CFAP410: variants seen among roughly 807,000 people sequenced by gnomAD.
CFAP410 encodes the protein cilia- and flagella-associated protein 410.
A neutral mutation model predicts 25.7 loss-of-function variants in CFAP410; 27 were observed. The observed-to-expected ratio is 1.05, with a 90% CI of 0.77 to 1.45. The LOEUF (loss-of-function observed/expected upper bound fraction) is 1.45. CFAP410 is among the 40% of genes most tolerant of loss of function. The pLI is 0.00. For synonymous variants in CFAP410, 178 were observed against 158.4 expected, an observed-to-expected ratio of 1.12 and a Z score of -0.93; for missense variants, 428 against 354.1, an observed-to-expected ratio of 1.21 and a Z score of -1.67.
chr21:44,330,866 G>A lies in CFAP410; in HGVS notation c.599C>T (p.Pro200Leu), dbSNP rs780241928. 3 of 1,606,242 alleles carry A rather than the reference G, an allele frequency of 1.9e-6. No individual in the cohort carries two copies. The highest frequency in any genetic ancestry group is 1.7e-6 in the Non-Finnish European group (2 of 1,175,628). ...GLKPPSRGQF[P>L]SLSARDASSS... ...CGAGGCATCCCTGGCTGAGAGGGAA[G>A]GAAACTGGCCCCGGGAAGGCGGCTT... The change falls in exon 6 of 7, where the codon CCT (proline) becomes CTT (leucine). Residue 200 changes from proline (P) to leucine (L), a missense_variant. Pro to Leu is a moderately conservative substitution (Grantham distance 98). Transcript: ENST00000339818.
In CFAP410 at chr21:44,339,133, C is replaced by G; in HGVS notation, c.62G>C (p.Arg21Pro). The change falls in exon 1 of 7, where the codon CGC becomes CCC. Residue 21 changes from arginine to proline, a missense_variant. Coordinates refer to ENST00000339818, the MANE Select transcript of CFAP410 (RefSeq NM_004928.3). ...CCCGCCTCACCAGCAGTTGAGCTTGCGCACGCTGTGCAGCTCCGAGGCCTT... is the reference window on the plus strand; with the variant it reads ...CCCGCCTCACCAGCAGTTGAGCTTGGGCACGCTGTGCAGCTCCGAGGCCTT... ...RAKASELHSV[R>P]KLNCWGSRLT... 1 of 1,461,966 alleles carries G rather than the reference C, an allele frequency of 6.8e-7. No individual in the cohort carries two copies. Among genetic ancestry groups the G allele is most frequent in the Non-Finnish European group, 9.1e-7 (1 of 1,101,776 alleles). The allele number at this position is 1,461,966 out of a possible 1,614,324, so 90.6% of individuals were successfully genotyped here.
chr21:44,330,730 G>A, intron 6 of CFAP410, 93 bp downstream of exon 6: 1 of 1,549,760 alleles, frequency 6.5e-7, no homozygotes. Context: ...TCCCCACGGG[G>A]CCCTGTGAGG....
intron 1 of CFAP410, chr21:44,338,147 A>G: frequency 1.7e-6 from 1 of 596,576 alleles, no homozygotes; most frequent in African/African-American, 2.0e-5. Flanking sequence ...TGCATTATTG[A>G]AAGCAAATGA....
intron 5 of CFAP410, 53 bp from the exon 6 acceptor site, chr21:44,330,972 G>T (rs546449413): frequency 2.7e-6 from 4 of 1,457,572 alleles, no homozygotes; most frequent in Non-Finnish European, 3.7e-6. Context: ...GCACCGGGGG[G>T]GCCTCTGCAA....
Position 44,335,755 on chromosome 21 carries a change from T to A in CFAP410, c.143+3A>T, listed in dbSNP as rs970527998. On this transcript the variant is annotated splice_donor_region_variant and intron_variant, in intron 3 of 6. Coordinates refer to ENST00000339818, the MANE Select transcript of CFAP410 (RefSeq NM_004928.3). ...GCTGAGCATGACAGCAGGAGCGAGG[T>A]ACCTGAGCGTGATCACCTCCAGGCT... The A allele has an allele frequency of 6.3e-7, 1 of 1,586,274 alleles. No homozygotes were observed. The highest frequency in any genetic ancestry group is 1.4e-5 in the African/African-American group (1 of 74,064).
intron 5 of CFAP410, chr21:44,331,364 C>T (rs2047645121): frequency 7.9e-6 from 2 of 253,548 alleles, no homozygotes; most frequent in Non-Finnish European, 1.5e-5. Flanking sequence ...CAGCTTCTGT[C>T]AAATGCGTTC....
chr21:44,335,842 G>A, intron 2 of CFAP410, 38 bp from the exon 3 acceptor site: 1 of 1,507,794 alleles, frequency 6.6e-7, no homozygotes, highest in East Asian at 2.4e-5. Context: ...GCATGGCACA[G>A]CAGGGCATCG....
rs994310278 is a variant in CFAP410, at chr21:44,330,111, G to A, written c.*87C>T. The A allele has an allele frequency of 4.2e-5, 60 of 1,426,360 alleles. No homozygotes were observed. In the African/African-American group the frequency reaches 5.9e-4, roughly 14 times the overall value. 88.4% of individuals were successfully genotyped at this position (1,426,360 alleles called of 1,614,324 possible). On this transcript the variant is annotated 3_prime_UTR_variant, in exon 7 of 7. Coordinates refer to ENST00000339818, the MANE Select transcript of CFAP410 (RefSeq NM_004928.3). ...GGCTTTTGTGTGGGGCCGGGGCTGC[G>A]GCCATGGCAGCCACCCTCCAGCTCC... is the stretch of plus-strand genomic sequence containing the variant.
At chr21:44,334,198 C>A (rs1184509651) in intron 3 of CFAP410, 1 of 456,318 alleles carries the variant, frequency 2.2e-6, no homozygotes, top group South Asian at 1.5e-5. Context: ...GTGCAGGCAC[C>A]ACGCACCTGA....
chr21:44,330,146 G>A lies in CFAP410; in HGVS notation c.*52C>T. On this transcript the variant is annotated 3_prime_UTR_variant, in exon 7 of 7. Transcript: ENST00000339818. ...GCCACCCTCCAGCTCCCGGGGGCTG[G>A]GGAAGACGCTGGGGTCCCCGTGGAG... The A allele has an allele frequency of 6.5e-7, 1 of 1,531,858 alleles. No individual in the cohort carries two copies. Among genetic ancestry groups the A allele is most frequent in the Non-Finnish European group, 8.7e-7 (1 of 1,143,466 alleles). 94.9% of individuals were successfully genotyped at this position (1,531,858 alleles called of 1,614,324 possible). A position where few individuals can be genotyped will look rare whatever the true frequency, so the allele number is the denominator to read the frequency against.
chr21:44,333,408 T>A, intron 3 of CFAP410, 146 bp from the exon 4 acceptor site: 1 of 664,050 alleles, frequency 1.5e-6, no homozygotes. Flanking sequence ...ACAAGTCACG[T>A]GCAGCAGGAC....
intron 4 of CFAP410, chr21:44,332,699 C>T (rs559608911): frequency 1.3e-4 from 45 of 338,206 alleles, no homozygotes; most frequent in African/African-American, 6.8e-4. Flanking sequence ...CGCCCCCGCT[C>T]GCCATGGCGC....
chr21:44,339,260 G>C lies in CFAP410; in HGVS notation c.-66C>G. The stretch of plus-strand genomic sequence containing the variant: ...CTGATCCCGGGCGGGTGACGACTGC[G>C]CGGCGCGTGTCTCCAGGGGCGGGGC... On this transcript the variant is annotated 5_prime_UTR_variant, in exon 1 of 7. Transcript: ENST00000339818. 9.4e-7 allele frequency: 1 copy of C among 1,058,716 alleles called. No individual in the cohort carries two copies. Among genetic ancestry groups the C allele is most frequent in the Non-Finnish European group, 1.3e-6 (1 of 779,982 alleles). The allele number at this position is 1,058,716 out of a possible 1,614,324, so 65.6% of individuals were successfully genotyped here. A position where few individuals can be genotyped will look rare whatever the true frequency, so the allele number is the denominator to read the frequency against.
intron 3 of CFAP410, chr21:44,334,050 C>T (rs2047702219): frequency 6.6e-6 from 3 of 453,634 alleles, no homozygotes; most frequent in Middle Eastern, 3.3e-4. Context: ...TATGAGGCCG[C>T]CCCATTTTAC....
In CFAP410 at chr21:44,333,154, C is replaced by G. The variant is rs756791423; in HGVS notation, c.252G>C (p.Lys84Asn). 2 of 1,612,664 alleles carry G rather than the reference C, an allele frequency of 1.2e-6. No homozygotes were observed. The highest frequency in any genetic ancestry group is 8.5e-7 in the Non-Finnish European group (1 of 1,179,856). ...IPSLAELFYL[K>N]GLPRLRVLWL... is the part of the protein sequence containing the mutation. ...ACAGCACCCGCAGACGCGGCAGCCC[C>G]TTCAGGTAGAAGAGCTCAGCCAGGC... The change falls in exon 4 of 7, where the codon AAG (lysine) becomes AAC (asparagine). Residue 84 changes from lysine to asparagine, a missense_variant. Lys to Asn is a moderately conservative substitution (Grantham distance 94, BLOSUM62 0). Transcript: ENST00000339818.
chr21:44,331,659 GA>G (rs1397819107), intron 5 of CFAP410, 183 bp downstream of exon 5: 22 of 602,264 alleles, frequency 3.7e-5, no homozygotes, highest in Non-Finnish European at 5.5e-5. Context: ...ACCTGCCACT[GA>G]AATCACTACC....
intron 3 of CFAP410, chr21:44,334,442 T>C (rs1242728354): frequency 1.2e-5 from 4 of 333,530 alleles, no homozygotes; most frequent in South Asian, 2.1e-5. Flanking sequence ...CCAGCCTCAC[T>C]GTGTCGCCTG....
At chr21:44,331,762 G>A (rs994836989) in intron 5 of CFAP410, 81 bp downstream of exon 5, 15 of 1,357,710 alleles carry the variant, frequency 1.1e-5, no homozygotes, top group South Asian at 5.2e-5. Context: ...CGCAGCTCAC[G>A]GGAAGCCCCA....
Position 44,331,984 on chromosome 21 carries a change from A to G in CFAP410, c.404T>C (p.Leu135Pro), listed in dbSNP as rs1402134765. The change falls in exon 5 of 7, where the codon CTG becomes CCG. Residue 135 changes from leucine to proline, a missense_variant. By Grantham distance (98) the Leu-to-Pro change is moderately conservative. Coordinates refer to ENST00000339818, the MANE Select transcript of CFAP410 (RefSeq NM_004928.3). ...AVTEEELSRA[L>P]SEGEEITAAP... Reference sequence around the variant, plus strand: ...CGCAGTGATCTCCTCTCCCTCACTCAGTGCACGGGACAGCTCCTCCTCCGT... The same window carrying G: ...CGCAGTGATCTCCTCTCCCTCACTCGGTGCACGGGACAGCTCCTCCTCCGT... 8 of 1,610,566 alleles carry G rather than the reference A, an allele frequency of 5.0e-6. No individual in the cohort carries two copies. Among genetic ancestry groups the G allele is most frequent in the Non-Finnish European group, 6.8e-6 (8 of 1,178,546 alleles).
Sources: gnomAD v4.1 joint callset for allele counts on GRCh38, gnomAD v4.1.1 for gene constraint, MANE v1.5 for transcripts, NCBI Gene and HGNC (gene_info 2026-07-23, HGNC 2026-07-21) for gene names.